Variants in RBFOX1 observed in about 807,000 individuals in gnomAD.
RBFOX1 encodes the protein RNA binding protein fox-1 homolog 1.
A neutral mutation model predicts 57.7 loss-of-function variants in RBFOX1; 8 were observed. That is an observed-to-expected ratio of 0.14 (90% confidence interval 0.08 to 0.25). RBFOX1 has a LOEUF of 0.25. Among genes scored for constraint, RBFOX1 ranks in the 10% least tolerant of loss-of-function variants. The pLI is 1.00. For synonymous variants in RBFOX1, 326 were observed against 222.4 expected (o/e 1.47, Z -4.15); for missense variants, 611 against 548.5 (o/e 1.11, Z -1.14).
At chr16:6,072,186 A>C (rs751439861) in intron 1 of RBFOX1, among the ~76,000 whole-genome samples, 2 of 152,048 alleles carry the variant, frequency 1.3e-5, no homozygotes, top group African/African-American at 4.8e-5. Flanking sequence ...TCATCATCTC[A>C]TGAGTCTTAT....
chr16:7,534,234 C>G (rs1166782704), intron 5 of RBFOX1, among the ~76,000 whole-genome samples: 1 of 151,602 alleles, frequency 6.6e-6, no homozygotes, highest in Non-Finnish European at 1.5e-5. Context: ...TTACAGGCAC[C>G]CATCACCACA....
chr16:6,466,934 G>T (rs1202571722), intron 2 of RBFOX1, among the ~76,000 whole-genome samples: 1 of 151,736 alleles, frequency 6.6e-6, no homozygotes, highest in Non-Finnish European at 1.5e-5. Context: ...AAATGCAGCA[G>T]ATTTAATCCT....
intron 1 of RBFOX1, among the ~76,000 whole-genome samples, chr16:5,359,745 C>T (rs969094480): frequency 6.6e-6 from 1 of 152,040 alleles, no homozygotes; most frequent in South Asian, 2.1e-4. Flanking sequence ...TGATGTGATC[C>T]CATTTGTCCA....
intron 4 of RBFOX1, among the ~76,000 whole-genome samples, chr16:5,907,364 G>C (rs576343162): frequency 1.3e-5 from 2 of 152,078 alleles, no homozygotes; most frequent in Non-Finnish European, 2.9e-5. Context: ...GATTAAACTA[G>C]ACAAACACTT....
At chr16:7,679,396 G>C (rs2074180131) in intron 14 of RBFOX1, among the ~76,000 whole-genome samples, 1 of 152,134 alleles carries the variant, frequency 6.6e-6, no homozygotes, top group East Asian at 1.9e-4. Context: ...TTCTGTAGAA[G>C]ACAGGCAAGA....
intron 3 of RBFOX1, among the ~76,000 whole-genome samples, chr16:7,041,766 C>G (rs1040091444): frequency 6.6e-6 from 1 of 152,202 alleles, no homozygotes; most frequent in Non-Finnish European, 1.5e-5. Flanking sequence ...AGTCATTTGA[C>G]CCAGTGCTTC....
rs755253534 is a variant in RBFOX1, at chr16:7,653,843, C to G, written c.786C>G (p.Thr262=). 7 of 1,606,934 alleles carry G rather than the reference C, an allele frequency of 4.4e-6. No individual in the cohort carries two copies. The highest frequency in any genetic ancestry group is 2.7e-5 in the African/African-American group (2 of 74,898). The change falls in exon 12 of 16, where the codon ACC becomes ACG. Residue 262 remains threonine, a synonymous_variant. Coordinates refer to ENST00000550418, the MANE Select transcript of RBFOX1 (RefSeq NM_018723.4). ...CAGGCTTCCCGTATCCAGCAGCCAC[C>G]GCCGCGGCCGCCTACCGAGGGGCGC... ...AMPGFPYPAA[T]AAAAYRGAHL... is the part of the protein sequence containing the mutation.
At chr16:5,628,423 G>A (rs1336511878) in intron 3 of RBFOX1, among the ~76,000 whole-genome samples, 1 of 152,040 alleles carries the variant, frequency 6.6e-6, no homozygotes, top group Non-Finnish European at 1.5e-5. Flanking sequence ...TCTGAGTTTT[G>A]GGGATAACTG....
chr16:6,841,320 T>A (rs1005159063), intron 3 of RBFOX1, among the ~76,000 whole-genome samples: 2 of 152,182 alleles, frequency 1.3e-5, no homozygotes. Context: ...TGTTTGTGGT[T>A]TTAGACAGCA....
chr16:5,289,130 AC>A (rs2063471607), intron 1 of RBFOX1: 3 of 214,480 alleles, frequency 1.4e-5, no homozygotes, highest in African/African-American at 2.3e-5. Context: ...GTCTCAAAAA[AC>A]AAAAAAAACA....
intron 2 of RBFOX1, among the ~76,000 whole-genome samples, chr16:5,550,453 G>A (rs181028599): frequency 4.6e-5 from 7 of 152,330 alleles, no homozygotes; most frequent in Admixed American, 2.6e-4. Context: ...AAAGAAGGCT[G>A]AGGCTGCCCA....
intron 3 of RBFOX1, among the ~76,000 whole-genome samples, chr16:6,923,090 G>A (rs1473054059): frequency 6.6e-6 from 1 of 152,172 alleles, no homozygotes; most frequent in Non-Finnish European, 1.5e-5. Context: ...AAGCCCAGAA[G>A]GCAATGAGAG....
At chr16:6,573,545 C>G (rs2097374799) in intron 2 of RBFOX1, among the ~76,000 whole-genome samples, 1 of 152,200 alleles carries the variant, frequency 6.6e-6, no homozygotes, top group East Asian at 1.9e-4. Flanking sequence ...ATTCCTGCAT[C>G]TCCCCATCCA....
intron 2 of RBFOX1, among the ~76,000 whole-genome samples, chr16:6,369,861 C>G (rs930143509): frequency 3.7e-4 from 57 of 152,186 alleles, no homozygotes; most frequent in Middle Eastern, 3.2e-3. Context: ...ATTTAACACA[C>G]TGGTATAGTC....
chr16:6,635,584 A>C (rs1186140265), intron 2 of RBFOX1, among the ~76,000 whole-genome samples: 1 of 152,148 alleles, frequency 6.6e-6, no homozygotes, highest in Non-Finnish European at 1.5e-5. Context: ...AAAGGTTGAC[A>C]GGGAGCATAG....
At chr16:5,844,359 A>T (rs1224229999) in intron 3 of RBFOX1, among the ~76,000 whole-genome samples, 1 of 152,204 alleles carries the variant, frequency 6.6e-6, no homozygotes, top group Non-Finnish European at 1.5e-5. Context: ...TGCTGTTCTA[A>T]AAAGCCCTGG....
At chr16:7,017,834 T>G (rs186636386) in intron 3 of RBFOX1, among the ~76,000 whole-genome samples, 184 of 152,282 alleles carry the variant, frequency 1.2e-3, no homozygotes, top group African/African-American at 4.3e-3. Context: ...TGTTTATTTA[T>G]TTATTTGTGC....
At chr16:6,578,932 C>A (rs1318698889) in intron 2 of RBFOX1, among the ~76,000 whole-genome samples, 1 of 151,868 alleles carries the variant, frequency 6.6e-6, no homozygotes, top group Admixed American at 6.6e-5. Context: ...AAATTGGGTA[C>A]AGTGTACAAA....
chr16:7,109,349 C>T (rs1456269090), intron 4 of RBFOX1, among the ~76,000 whole-genome samples: 1 of 152,142 alleles, frequency 6.6e-6, no homozygotes, highest in Non-Finnish European at 1.5e-5. Context: ...ATCCCTGCAA[C>T]CAAACCCTCT....
Sources: gnomAD v4.1 joint callset for allele counts (sites outside exome capture counted in the v4.1 genomes callset) on GRCh38, gnomAD v4.1.1 for gene constraint, MANE v1.5 for transcripts, NCBI Gene and HGNC (gene_info 2026-07-23, HGNC 2026-07-21) for gene names.